The following CAST variants were observed in gnomAD, a reference collection of about 807,000 sequenced individuals.
The protein encoded by CAST is MIR583 host.
A neutral mutation model predicts 119.6 loss-of-function variants in CAST; 76 were observed. The ratio of observed to expected loss-of-function variants is 0.64; its 90% CI spans 0.53 to 0.77. The LOEUF (loss-of-function observed/expected upper bound fraction) is 0.77, where lower values mean the gene tolerates loss of function less well. Ranked by LOEUF, CAST falls within the 30% of genes least tolerant of loss-of-function variation. CAST has a pLI of 0.00. For missense variants in CAST, 953 were observed against 946.5 expected (o/e 1.01, Z -0.09); for synonymous variants, 319 against 331.6 (o/e 0.96, Z 0.41).
chr5:95,998,965 C>T, the CAST span, among the ~76,000 whole-genome samples: 1 of 152,056 alleles, frequency 6.6e-6, no homozygotes, highest in South Asian at 2.1e-4. Context: ...GATGGTATCT[C>T]GTTGTGGTTT....
At chr5:96,056,457 G>T in the CAST span, among the ~76,000 whole-genome samples, 3 of 152,118 alleles carry the variant, frequency 2.0e-5, no homozygotes, top group African/African-American at 7.2e-5. Flanking sequence ...GCACGAACTG[G>T]CTCCAAAGAC....
the CAST span, among the ~76,000 whole-genome samples, chr5:96,346,361 G>T: frequency 2.6e-5 from 4 of 152,152 alleles, no homozygotes; most frequent in Non-Finnish European, 2.9e-5. Flanking sequence ...CAGGCAGGTG[G>T]TTAGATATTC....
At chr5:96,014,416 A>G in the CAST span, among the ~76,000 whole-genome samples, 1 of 152,152 alleles carries the variant, frequency 6.6e-6, no homozygotes, top group Non-Finnish European at 1.5e-5. Context: ...TAAAATAGTG[A>G]TGAAAAGTAT....
At chr5:96,172,849 A>C in the CAST span, among the ~76,000 whole-genome samples, 1 of 152,232 alleles carries the variant, frequency 6.6e-6, no homozygotes, top group Non-Finnish European at 1.5e-5. Flanking sequence ...TGATTGCTCT[A>C]GCAAAAGCCT....
chr5:96,408,015 A>G, the CAST span, among the ~76,000 whole-genome samples: 1 of 152,234 alleles, frequency 6.6e-6, no homozygotes, highest in Non-Finnish European at 1.5e-5. Context: ...GTCTATATTA[A>G]GATCCCAATT....
At position 96,737,775 on chromosome 5, in the gene CAST, C is replaced by CT. The variant is rs143175585; in HGVS notation, c.700-67dup. The CT allele has an allele frequency of 2.3e-3, 1,840 of 810,672 alleles. 33 individuals carry two copies. In the African/African-American group the frequency reaches 0.028, roughly 13 times the overall value. The allele number at this position is 810,672 out of a possible 1,614,324, so 50.2% of individuals were successfully genotyped here. On this transcript the variant is annotated intron_variant, in intron 10 of 31. Transcript: ENST00000675179. The stretch of plus-strand genomic sequence containing the variant: ...TTGGTGGTTTTTCTACACAGAATGG[C>CT]TTTTTTTGTAGTTAAACTAAAGGTG...
chr5:96,189,350 C>G, the CAST span, among the ~76,000 whole-genome samples: 2 of 152,144 alleles, frequency 1.3e-5, no homozygotes, highest in African/African-American at 4.8e-5. Flanking sequence ...GATTTGATTG[C>G]TATTTGGCTG....
chr5:96,060,631 T>C, the CAST span, among the ~76,000 whole-genome samples: 5 of 152,018 alleles, frequency 3.3e-5, no homozygotes, highest in African/African-American at 1.2e-4. Context: ...CATCTCTGAG[T>C]AGGGCCCATA....
the CAST span, among the ~76,000 whole-genome samples, chr5:96,349,721 G>A: frequency 6.6e-6 from 1 of 152,152 alleles, no homozygotes; most frequent in Non-Finnish European, 1.5e-5. Flanking sequence ...AGGAAAGGGT[G>A]TGCTTAGGAA....
chr5:96,397,863 G>T, the CAST span, among the ~76,000 whole-genome samples: 1 of 151,906 alleles, frequency 6.6e-6, no homozygotes, highest in African/African-American at 2.4e-5. Context: ...AGGAAATCTT[G>T]AAAATTTAGT....
the CAST span, among the ~76,000 whole-genome samples, chr5:96,500,304 C>A: frequency 6.6e-6 from 1 of 152,142 alleles, no homozygotes; most frequent in African/African-American, 2.4e-5. Context: ...ATCTGCGAAG[C>A]ACATTAAAGA....
the CAST span, among the ~76,000 whole-genome samples, chr5:96,517,541 T>C: frequency 2.0e-5 from 3 of 152,156 alleles, no homozygotes; most frequent in Admixed American, 2.0e-4. Flanking sequence ...ATAGAGGAGA[T>C]TTGGGAAGGA....
chr5:96,056,195 C>T, the CAST span, among the ~76,000 whole-genome samples: 1 of 152,106 alleles, frequency 6.6e-6, no homozygotes, highest in Non-Finnish European at 1.5e-5. Context: ...CTCTGATAAT[C>T]CTAGATATTT....
chr5:96,169,511 G>A, the CAST span, among the ~76,000 whole-genome samples: 18 of 152,206 alleles, frequency 1.2e-4, no homozygotes, highest in East Asian at 5.8e-4. Context: ...AGACTTGTCC[G>A]GTTTTTGGAC....
At chr5:96,132,424 T>C in the CAST span, among the ~76,000 whole-genome samples, 1 of 152,140 alleles carries the variant, frequency 6.6e-6, no homozygotes, top group Non-Finnish European at 1.5e-5. Flanking sequence ...ATTTCAAATC[T>C]TTTCTTCTAG....
At chr5:96,375,346 A>G in the CAST span, among the ~76,000 whole-genome samples, 1 of 152,148 alleles carries the variant, frequency 6.6e-6, no homozygotes, top group Non-Finnish European at 1.5e-5. Context: ...CATTTACAAG[A>G]GATTGTTAAA....
intron 1 of CAST, among the ~76,000 whole-genome samples, chr5:96,548,312 A>G (rs1456671170): frequency 6.6e-6 from 1 of 152,174 alleles, no homozygotes; most frequent in Non-Finnish European, 1.5e-5. Context: ...AGTGGAGGCT[A>G]TGATTCTCCA....
At chr5:96,063,261 C>A in the CAST span, among the ~76,000 whole-genome samples, 1 of 152,086 alleles carries the variant, frequency 6.6e-6, no homozygotes, top group Admixed American at 6.6e-5. Flanking sequence ...GCTGAAGGGA[C>A]CCATTCACTC....
At chr5:96,111,685 ATATT>A in the CAST span, among the ~76,000 whole-genome samples, 1 of 152,192 alleles carries the variant, frequency 6.6e-6, no homozygotes, top group East Asian at 1.9e-4. Flanking sequence ...CAAAGACCAA[ATATT>A]TATTTATTAT....
Sources: gnomAD v4.1 joint callset for allele counts (sites outside exome capture counted in the v4.1 genomes callset) on GRCh38, gnomAD v4.1.1 for gene constraint, MANE v1.5 for transcripts, NCBI Gene and HGNC (gene_info 2026-07-23, HGNC 2026-07-21) for gene names.